The following TACC2 variants were observed in gnomAD, a reference collection of about 807,000 sequenced individuals.
TACC2 encodes transforming acidic coiled-coil-containing protein 2.
A neutral mutation model predicts 227.3 loss-of-function variants in TACC2; 137 were observed. The observed-to-expected ratio is 0.60, with a 90% CI of 0.52 to 0.69. The LOEUF (loss-of-function observed/expected upper bound fraction) is 0.69, where lower values mean the gene tolerates loss of function less well. TACC2 is among the 30% of genes least tolerant of loss of function. The probability of loss-of-function intolerance (pLI) is 0.00; values close to 1 mark genes in which losing one functional copy is unlikely to be tolerated. For missense variants in TACC2, 3,470 were observed against 3,694.4 expected (o/e 0.94, Z 1.57); for synonymous variants, 1,523 against 1,487.5 (o/e 1.02, Z -0.55).
chr10:122,214,347 A>ATT (rs200016842), intron 9 of TACC2, among the ~76,000 whole-genome samples: 1 of 151,650 alleles, frequency 6.6e-6, no homozygotes, highest in Non-Finnish European at 1.5e-5. Context: ...ATAGCCATTT[A>ATT]TTTTTTTTTC....
intron 5 of TACC2, among the ~76,000 whole-genome samples, chr10:122,107,880 A>ATTTTTTT (rs1412735022): frequency 9.8e-6 from 1 of 102,278 alleles, no homozygotes; most frequent in Admixed American, 1.2e-4. Context: ...ATATATATAT[A>ATTTTTTT]TTTTTTTTTT....
chr10:122,014,848 C>T (rs7919637), intron 1 of TACC2, among the ~76,000 whole-genome samples: 10,730 of 152,232 alleles, frequency 0.07, 692 homozygotes, highest in African/African-American at 0.17. Context: ...CCTCCCTGAT[C>T]AAAGAGAGGG....
chr10:122,171,487 C>T (rs1287621360), intron 7 of TACC2, among the ~76,000 whole-genome samples: 2 of 152,224 alleles, frequency 1.3e-5, no homozygotes, highest in African/African-American at 2.4e-5. Context: ...AACATTCCAG[C>T]TTCACTTACT....
At chr10:122,181,676 G>A (rs920779122) in intron 7 of TACC2, among the ~76,000 whole-genome samples, 8 of 152,176 alleles carry the variant, frequency 5.3e-5, no homozygotes, top group East Asian at 1.9e-4. Context: ...TGTCAGAATC[G>A]TGTAATTCGT....
At chr10:122,039,811 G>A (rs1253197399) in intron 2 of TACC2, among the ~76,000 whole-genome samples, 1 of 138,306 alleles carries the variant, frequency 7.2e-6, no homozygotes, top group Non-Finnish European at 1.6e-5. Flanking sequence ...TGTTTTGTCA[G>A]CACAAATGCT....
chr10:122,062,185 A>T (rs2076912105), intron 3 of TACC2, among the ~76,000 whole-genome samples: 1 of 152,066 alleles, frequency 6.6e-6, no homozygotes, highest in Non-Finnish European at 1.5e-5. Flanking sequence ...GGTGCCCGCC[A>T]CCACGCCTGG....
At chr10:122,006,713 C>T (rs1191192167) in intron 1 of TACC2, among the ~76,000 whole-genome samples, 1 of 152,112 alleles carries the variant, frequency 6.6e-6, no homozygotes, top group East Asian at 1.9e-4. Context: ...AATTTTAGCT[C>T]TGTTCCACTG....
At chr10:122,120,204 C>T (rs898479662) in intron 5 of TACC2, among the ~76,000 whole-genome samples, 29 of 152,160 alleles carry the variant, frequency 1.9e-4, no homozygotes, top group African/African-American at 6.5e-4. Flanking sequence ...CCCTGCCTCC[C>T]GTCCTTAACT....
At chr10:122,157,474 T>C (rs541604585) in intron 7 of TACC2, among the ~76,000 whole-genome samples, 1 of 152,224 alleles carries the variant, frequency 6.6e-6, no homozygotes, top group South Asian at 2.1e-4. Context: ...TGTGGGAGAA[T>C]GCGTGTTCAG....
chr10:122,111,560 G>A (rs563665049), intron 5 of TACC2, among the ~76,000 whole-genome samples: 14 of 152,226 alleles, frequency 9.2e-5, no homozygotes, highest in Admixed American at 7.9e-4. Context: ...GTGCAACCTC[G>A]GCTCACTGCA....
At chr10:122,079,567 T>C (rs1365473240) in intron 3 of TACC2, among the ~76,000 whole-genome samples, 1 of 152,170 alleles carries the variant, frequency 6.6e-6, no homozygotes, top group East Asian at 1.9e-4. Context: ...TAGATAAAGA[T>C]GAGTGCAGGG....
Position 122,209,816 on chromosome 10 carries a change from A to T in TACC2, c.5972-581A>T, listed in dbSNP as rs1461148318. On this transcript the variant is annotated intron_variant, in intron 8 of 22. Coordinates refer to ENST00000369005, the MANE Select transcript of TACC2 (RefSeq NM_206862.4). This position sits in a 1 kb window ranked among gnomAD's most constrained non-coding sequence, Gnocchi z 4.5. ...GCGATTCTCCTGCCTCAGGCTCCGGAATAGCTGGGATTACAGGCGCTCACC... is the reference window on the plus strand; with the variant it reads ...GCGATTCTCCTGCCTCAGGCTCCGGTATAGCTGGGATTACAGGCGCTCACC... The T allele has an allele frequency of 6.4e-6, 1 of 155,504 alleles. No homozygotes were observed. The highest frequency in any genetic ancestry group is 2.4e-5 in the African/African-American group (1 of 41,402). 9.6% of individuals were successfully genotyped at this position (155,504 alleles called of 1,614,324 possible). A position where few individuals can be genotyped will look rare whatever the true frequency, so the allele number is the denominator to read the frequency against.
At chr10:122,175,029 GCA>G (rs2093638327) in intron 7 of TACC2, among the ~76,000 whole-genome samples, 1 of 152,120 alleles carries the variant, frequency 6.6e-6, no homozygotes, top group African/African-American at 2.4e-5. Flanking sequence ...GAGTGCAGTG[GCA>G]CAGTCATGGC....
chr10:122,105,325 C>G (rs1565313984), intron 5 of TACC2, among the ~76,000 whole-genome samples: 1 of 152,218 alleles, frequency 6.6e-6, no homozygotes, highest in Non-Finnish European at 1.5e-5. Flanking sequence ...CTTCCAGTCT[C>G]TGGCCTCATT....
chr10:122,050,070 G>T lies in TACC2; in HGVS notation c.34-368G>T, dbSNP rs1224335844. On this transcript the variant is annotated intron_variant, in intron 2 of 22. Coordinates refer to ENST00000369005, the MANE Select transcript of TACC2 (RefSeq NM_206862.4). This position sits in a 1 kb window ranked among gnomAD's most constrained non-coding sequence, Gnocchi z 4.6. ...GGAGGAAAATGTGTTTTCATCTCAG[G>T]AGTGCCACAAACAAATTGGACACTT... is the stretch of plus-strand genomic sequence containing the variant. 6.6e-6 allele frequency among the ~76,000 whole-genome samples: 1 copy of T among 152,162 alleles called. No homozygotes were observed. The highest frequency in any genetic ancestry group is 1.5e-5 in the Non-Finnish European group (1 of 68,028).
At chr10:122,241,758 T>A (rs1310062401) in intron 18 of TACC2, 200 bp from the exon 19 acceptor site, 1 of 599,510 alleles carries the variant, frequency 1.7e-6, no homozygotes, top group Non-Finnish European at 3.0e-6. Flanking sequence ...CAGTGAGGGA[T>A]GTTGAAGGCT....
rs146027673 is a variant in TACC2 at position 122,090,845 on chromosome 10, G to A, written c.5573+2254G>A. ...CTCAATGCAGCCTCGACCACCCCAG[G>A]ATCCTCCCACTTCAGCCTCCCTAGT... On this transcript the variant is annotated intron_variant, in intron 5 of 22. Coordinates refer to ENST00000369005, the MANE Select transcript of TACC2 (RefSeq NM_206862.4). Among the ~76,000 whole-genome samples, 378 of 152,140 alleles carry A rather than the reference G, an allele frequency of 2.5e-3. 4 individuals carry two copies. In the East Asian group the frequency reaches 0.027, roughly 11 times the overall value.
In TACC2 at chr10:122,085,250, C is replaced by T; in HGVS notation, c.2750C>T (p.Ser917Phe). ...KGTLSDTPTSSPTDMVWESSL... is the reference protein window; with the variant it reads ...KGTLSDTPTSFPTDMVWESSL... ...ACCCTGTCTGATACTCCAACTTCAT[C>T]TCCCACTGACATGGTTTGGGAGAGT... is the stretch of plus-strand genomic sequence containing the variant. Residue 917 changes from serine (S) to phenylalanine (F), a missense_variant, in exon 4 of 23, where the codon TCT becomes TTT. Ser to Phe is a radical substitution (Grantham distance 155). Transcript: ENST00000369005. 6.2e-7 allele frequency: 1 copy of T among 1,614,096 alleles called. No homozygotes were observed. The highest frequency in any genetic ancestry group is 8.5e-7 in the Non-Finnish European group (1 of 1,180,032).
At chr10:122,116,903 T>G (rs1000692033) in intron 5 of TACC2, among the ~76,000 whole-genome samples, 1 of 148,710 alleles carries the variant, frequency 6.7e-6, no homozygotes, top group Non-Finnish European at 1.5e-5. Flanking sequence ...CTTTCTTTCT[T>G]TTTTTTTTTT....
Sources: gnomAD v4.1 joint callset for allele counts (sites outside exome capture counted in the v4.1 genomes callset) on GRCh38, gnomAD v4.1.1 for gene constraint, Gnocchi (gnomAD v3.1) non-coding constraint, MANE v1.5 for transcripts, NCBI Gene and HGNC (gene_info 2026-07-23, HGNC 2026-07-21) for gene names.